Variants in BRCA2 observed in about 807,000 individuals in gnomAD.
The protein encoded by BRCA2 is breast cancer type 2 susceptibility protein.
In BRCA2, 203 loss-of-function variants were observed where a neutral mutation model predicts 276.7. That is an observed-to-expected ratio of 0.73 (90% CI 0.65 to 0.82). The LOEUF is 0.82. BRCA2 is among the 40% of genes least tolerant of loss of function. The pLI, the probability that BRCA2 is intolerant of heterozygous loss-of-function variation, is 0.00. For synonymous variants in BRCA2, 1,289 were observed against 1,338.4 expected (o/e 0.96, Z 0.81); for missense variants, 3,920 against 3,915.0 (o/e 1.00, Z -0.03).
chr13:32,334,896 C>T (rs1459779048), intron 10 of BRCA2, among the ~76,000 whole-genome samples: 1 of 152,130 alleles, frequency 6.6e-6, no homozygotes, highest in Non-Finnish European at 1.5e-5. Context: ...TGTATGTTTA[C>T]AAAGTGATTT....
At chr13:32,351,077 A>T (rs998148503) in intron 13 of BRCA2, among the ~76,000 whole-genome samples, 1 of 152,236 alleles carries the variant, frequency 6.6e-6, no homozygotes, top group African/African-American at 2.4e-5. Flanking sequence ...GGGCCAAATA[A>T]GGGAATAAAA....
At chr13:32,360,028 G>A (rs12871310) in intron 16 of BRCA2, among the ~76,000 whole-genome samples, 1 of 152,192 alleles carries the variant, frequency 6.6e-6, no homozygotes, top group African/African-American at 2.4e-5. Context: ...GATAAAGTTG[G>A]AAAGGTGGCA....
At position 32,332,714 on chromosome 13, in the gene BRCA2, C is replaced by T. The variant is rs866473840; in HGVS notation, c.1236C>T (p.Pro412=). Residue 412 remains proline (P), a synonymous_variant, in exon 10 of 27, where the codon CCC becomes CCT. Coordinates refer to ENST00000380152, the MANE Select transcript of BRCA2 (RefSeq NM_000059.4). ...GLNGAQMEKI[P]LLHISSCDQN... ...ATGGAGCCCAGATGGAGAAAATACC[C>T]CTATTGCATATTTCTTCATGTGACC... 1 of 1,613,342 alleles carries T rather than the reference C, an allele frequency of 6.2e-7. No homozygotes were observed. Among genetic ancestry groups the T allele is most frequent in the Admixed American group, 1.7e-5 (1 of 59,914 alleles).
At position 32,318,532 on chromosome 13, in the gene BRCA2, C is replaced by T. The variant is rs142569349; in HGVS notation, c.68-545C>T. ...TCTCGGCTCACTGCAACCACCGCCT[C>T]CTGGGTTCAAGTGATTCTCCTGTGG... On this transcript the variant is annotated intron_variant, in intron 2 of 26. Coordinates refer to ENST00000380152, the MANE Select transcript of BRCA2 (RefSeq NM_000059.4). 0.011 allele frequency among the ~76,000 whole-genome samples: 1,707 copies of T among 152,066 alleles called. 35 individuals are homozygous for T. The highest frequency in any genetic ancestry group is 0.039 in the African/African-American group (1,624 of 41,448).
rs1060502402 is a variant in BRCA2 at position 32,340,444 on chromosome 13, A to G, written c.6089A>G (p.Asn2030Ser). 1 of 1,613,912 alleles carries G rather than the reference A, an allele frequency of 6.2e-7. No individual in the cohort carries two copies. Among genetic ancestry groups the G allele is most frequent in the Non-Finnish European group, 8.5e-7 (1 of 1,179,872 alleles). Residue 2030 changes from asparagine (N) to serine (S), a missense_variant, in exon 11 of 27, where the codon AAT (asparagine) becomes AGT (serine). Physicochemically the swap from Asn to Ser is conservative, Grantham distance 46. Coordinates refer to ENST00000380152, the MANE Select transcript of BRCA2 (RefSeq NM_000059.4). ...EHSDQLTREE[N>S]TAIRTPEHLI... ...TCAGACCAGCTCACAAGAGAAGAAA[A>G]TACTGCTATACGTACTCCAGAACAT...
chr13:32,347,534 A>T (rs544186837), intron 13 of BRCA2, among the ~76,000 whole-genome samples: 1 of 152,334 alleles, frequency 6.6e-6, no homozygotes, highest in East Asian at 1.9e-4. Context: ...CTGCCAGGAA[A>T]TCAGAAGGTT....
chr13:32,385,812 A>G (rs1268927959), intron 24 of BRCA2: 1 of 171,188 alleles, frequency 5.8e-6, no homozygotes, highest in East Asian at 1.7e-4. Flanking sequence ...TGCAAGACAT[A>G]TATTTGCACT....
rs771011424 is a variant in BRCA2, at chr13:32,332,306, A to G, written c.828A>G (p.Val276=). 6.2e-7 allele frequency: 1 copy of G among 1,605,764 alleles called. No homozygotes were observed. Among genetic ancestry groups the G allele is most frequent in the South Asian group, 1.1e-5 (1 of 88,978 alleles). Residue 276 remains valine (V), a synonymous_variant, in exon 10 of 27, where the codon GTA becomes GTG. Coordinates refer to ENST00000380152, the MANE Select transcript of BRCA2 (RefSeq NM_000059.4). ...FGKTSGNSFK[V]NSCKDHIGKS... is the part of the protein sequence containing the mutation. Reference sequence around the variant, plus strand: ...AAACATCAGGGAATTCATTTAAAGTAAATAGCTGCAAAGACCACATTGGAA... The same window carrying G: ...AAACATCAGGGAATTCATTTAAAGTGAATAGCTGCAAAGACCACATTGGAA...
intron 13 of BRCA2, among the ~76,000 whole-genome samples, chr13:32,348,452 A>G (rs1325850687): frequency 6.6e-6 from 1 of 152,108 alleles, no homozygotes; most frequent in Non-Finnish European, 1.5e-5. Flanking sequence ...GAGGACCAAG[A>G]AGTTAGGTTT....
chr13:32,378,163 C>T (rs750403320), intron 21 of BRCA2, among the ~76,000 whole-genome samples: 12 of 152,180 alleles, frequency 7.9e-5, no homozygotes, highest in Non-Finnish European at 1.6e-4. Context: ...ATTTCATCCA[C>T]AAAATTTAAC....
intron 13 of BRCA2, among the ~76,000 whole-genome samples, chr13:32,351,138 A>G (rs1054038474): frequency 5.3e-5 from 8 of 152,210 alleles, no homozygotes; most frequent in Admixed American, 4.6e-4. Flanking sequence ...CTTCCATGCC[A>G]TGGAATCTTT....
At chr13:32,366,678 C>T (rs2072784429) in intron 18 of BRCA2, among the ~76,000 whole-genome samples, 1 of 151,650 alleles carries the variant, frequency 6.6e-6, no homozygotes, top group South Asian at 2.1e-4. Context: ...AAAACTTAGC[C>T]AGGCATGATG....
intron 24 of BRCA2, among the ~76,000 whole-genome samples, chr13:32,387,858 C>T (rs543703442): frequency 1.3e-5 from 2 of 152,306 alleles, no homozygotes; most frequent in East Asian, 1.9e-4. Flanking sequence ...CCTGTAATCA[C>T]GTGAATTGCT....
Position 32,337,994 on chromosome 13 carries a change from A to T in BRCA2, c.3639A>T (p.Glu1213Asp), listed in dbSNP as rs1303026901. The change falls in exon 11 of 27, where the codon GAA (glutamate) becomes GAT (aspartate). Residue 1213 changes from glutamate (E) to aspartate (D), a missense_variant. By Grantham distance (45) the Glu-to-Asp change is conservative. Coordinates refer to ENST00000380152, the MANE Select transcript of BRCA2 (RefSeq NM_000059.4). Reference protein sequence around the residue: ...SASGYLTDENEVGFRGFYSAH... With the variant: ...SASGYLTDENDVGFRGFYSAH... ...CTGGTTATTTAACAGATGAAAATGA[A>T]GTGGGGTTTAGGGGCTTTTATTCTG... 1.2e-6 allele frequency: 2 copies of T among 1,613,452 alleles called. No homozygotes were observed. The highest frequency in any genetic ancestry group is 3.3e-5 in the Admixed American group (2 of 59,970).
chr13:32,345,425 G>A (rs1284915118), intron 12 of BRCA2, among the ~76,000 whole-genome samples: 1 of 151,960 alleles, frequency 6.6e-6, no homozygotes, highest in Non-Finnish European at 1.5e-5. Flanking sequence ...TAAAATGGTT[G>A]TAGATACCTA....
At chr13:32,333,661 T>TA (rs1185662544) in intron 10 of BRCA2, among the ~76,000 whole-genome samples, 1 of 152,186 alleles carries the variant, frequency 6.6e-6, no homozygotes, top group Admixed American at 6.5e-5. Context: ...GCAGGTTTGT[T>TA]ACATAAGTAA....
chr13:32,369,140 C>T (rs1340295761), intron 18 of BRCA2, among the ~76,000 whole-genome samples: 2 of 152,080 alleles, frequency 1.3e-5, no homozygotes, highest in African/African-American at 2.4e-5. Flanking sequence ...ATCTCACCCC[C>T]ACCCTGGCTG....
intron 13 of BRCA2, among the ~76,000 whole-genome samples, chr13:32,348,449 A>G (rs1376028582): frequency 1.3e-5 from 2 of 152,130 alleles, no homozygotes; most frequent in Admixed American, 6.6e-5. Context: ...TTAGAGGACC[A>G]AGAAGTTAGG....
intron 3 of BRCA2, among the ~76,000 whole-genome samples, chr13:32,320,780 GAGTATT>G (rs1169021998): frequency 6.6e-6 from 1 of 152,204 alleles, no homozygotes; most frequent in Non-Finnish European, 1.5e-5. Flanking sequence ...TTTGTAGAGT[GAGTATT>G]AGTATTATTT....
Sources: allele counts gnomAD v4.1 joint callset (sites outside exome capture counted in the v4.1 genomes callset), GRCh38; gene constraint gnomAD v4.1.1; transcripts MANE v1.5; gene names NCBI Gene and HGNC (gene_info 2026-07-23, HGNC 2026-07-21).